The following GMDS variants were observed in gnomAD, a reference collection of about 807,000 sequenced individuals.
The protein encoded by GMDS is GDP-mannose 4,6 dehydratase.
A neutral mutation model predicts 49.9 loss-of-function variants in GMDS; 20 were observed. The ratio of observed to expected loss-of-function variants is 0.40; its 90% confidence interval spans 0.28 to 0.58. The LOEUF (loss-of-function observed/expected upper bound fraction) is 0.58. Ranked by LOEUF, GMDS falls within the 20% of genes least tolerant of loss-of-function variation. GMDS has a pLI of 0.42. For missense variants in GMDS, 362 were observed against 481.4 expected (o/e 0.75, Z 2.32); for synonymous variants, 177 against 178.6 (o/e 0.99, Z 0.07).
At chr6:1,908,685 A>ACGTT (rs1293932960) in intron 7 of GMDS, among the ~76,000 whole-genome samples, 2 of 152,222 alleles carry the variant, frequency 1.3e-5, no homozygotes, top group East Asian at 3.8e-4. Flanking sequence ...TAAGGCAGGA[A>ACGTT]CTGCTGCTCG....
chr6:1,839,836 C>T lies in GMDS; in HGVS notation c.771+90267G>A, dbSNP rs117138047. Among the ~76,000 whole-genome samples, 160 of 152,284 alleles carry T rather than the reference C, an allele frequency of 1.1e-3. 3 individuals carry two copies. In the East Asian group the frequency reaches 0.028, roughly 27 times the overall value. ...GAGGAGCAGGCTGCAGCCGAGGGGA[C>T]GTGGGTTGCTCTTTGGCTCTGGCCA... On this transcript the variant is annotated intron_variant, in intron 7 of 10. Coordinates refer to ENST00000380815, the MANE Select transcript of GMDS (RefSeq NM_001500.4).
At chr6:2,140,232 C>T (rs947545206) in intron 1 of GMDS, among the ~76,000 whole-genome samples, 1 of 152,044 alleles carries the variant, frequency 6.6e-6, no homozygotes, top group South Asian at 2.1e-4. Flanking sequence ...AAGAAACAGG[C>T]AGTGGGAGAT....
In GMDS at chr6:1,635,568, G is replaced by A. The variant is rs1763120257; in HGVS notation, c.988-11028C>T. ...TGATGGGAGCTTTGGTGGGGACTCC[G>A]AGGGCGACACTGTGCGGCGACCCTT... is the stretch of plus-strand genomic sequence containing the variant. On this transcript the variant is annotated intron_variant, in intron 9 of 10. Coordinates refer to ENST00000380815, the MANE Select transcript of GMDS (RefSeq NM_001500.4). This position sits in a 1 kb window ranked among gnomAD's most constrained non-coding sequence, Gnocchi z 4.7. Among the ~76,000 whole-genome samples, 1 of 152,164 alleles carries A rather than the reference G, an allele frequency of 6.6e-6. No individual in the cohort carries two copies. Among genetic ancestry groups the A allele is most frequent in the South Asian group, 2.1e-4 (1 of 4,836 alleles).
At chr6:2,027,367 A>C in intron 4 of GMDS, among the ~76,000 whole-genome samples, 1 of 152,222 alleles carries the variant, frequency 6.6e-6, no homozygotes, top group Non-Finnish European at 1.5e-5. Context: ...CCCAGGGCTT[A>C]ATTAATATTT....
chr6:1,941,258 C>G (rs909672008), intron 6 of GMDS, among the ~76,000 whole-genome samples: 1 of 151,888 alleles, frequency 6.6e-6, no homozygotes, highest in Non-Finnish European at 1.5e-5. Context: ...CATTTGGGAA[C>G]TATTTATGTA....
intron 1 of GMDS, among the ~76,000 whole-genome samples, chr6:2,154,012 T>C (rs1402217846): frequency 2.0e-5 from 3 of 152,154 alleles, no homozygotes; most frequent in Non-Finnish European, 4.4e-5. Context: ...AGTTTGATTT[T>C]TGCCTTGTCC....
chr6:1,900,558 A>G (rs1272250302), intron 7 of GMDS, among the ~76,000 whole-genome samples: 1 of 152,222 alleles, frequency 6.6e-6, no homozygotes, highest in Non-Finnish European at 1.5e-5. Context: ...ATAATATACA[A>G]ATTAAAAAGT....
intron 7 of GMDS, among the ~76,000 whole-genome samples, chr6:1,880,432 G>A (rs866239653): frequency 2.6e-5 from 4 of 152,066 alleles, no homozygotes; most frequent in African/African-American, 9.7e-5. Flanking sequence ...ACTCCAGCCT[G>A]GGTGACACAG....
chr6:1,790,695 T>G (rs1404233079), intron 7 of GMDS, among the ~76,000 whole-genome samples: 4 of 152,210 alleles, frequency 2.6e-5, no homozygotes, highest in Non-Finnish European at 5.9e-5. Context: ...TTGTATGATT[T>G]GAATTTTCAT....
At chr6:2,151,374 C>T (rs1048105238) in intron 1 of GMDS, among the ~76,000 whole-genome samples, 30 of 151,988 alleles carry the variant, frequency 2.0e-4, no homozygotes, top group African/African-American at 7.2e-4. Flanking sequence ...TCCCCAAAAG[C>T]AAATATAACT....
At chr6:1,956,362 G>A (rs1235228280) in intron 6 of GMDS, among the ~76,000 whole-genome samples, 2 of 152,146 alleles carry the variant, frequency 1.3e-5, no homozygotes, top group Non-Finnish European at 2.9e-5. Context: ...GCCAGATTTG[G>A]CCCATGAGTC....
At chr6:2,213,655 C>T (rs1336226849) in intron 1 of GMDS, among the ~76,000 whole-genome samples, 1 of 151,974 alleles carries the variant, frequency 6.6e-6, no homozygotes, top group African/African-American at 2.4e-5. Flanking sequence ...AGGAAGAGCA[C>T]CCTTTAAAAA....
chr6:1,713,605 G>GACAC (rs59883105), intron 9 of GMDS, among the ~76,000 whole-genome samples: 10 of 150,894 alleles, frequency 6.6e-5, no homozygotes, highest in Non-Finnish European at 1.2e-4. Context: ...GGATCAATGG[G>GACAC]ACACACACAC....
At chr6:1,792,596 G>A (rs958373402) in intron 7 of GMDS, among the ~76,000 whole-genome samples, 5 of 152,104 alleles carry the variant, frequency 3.3e-5, no homozygotes, top group African/African-American at 9.7e-5. Context: ...TTTTGGTAGA[G>A]TATATCTACC....
At chr6:1,661,899 G>A (rs1220016958) in intron 9 of GMDS, among the ~76,000 whole-genome samples, 1 of 152,190 alleles carries the variant, frequency 6.6e-6, no homozygotes, top group Non-Finnish European at 1.5e-5. Context: ...GAAAATGGAG[G>A]AAGCATGGAG....
intron 4 of GMDS, among the ~76,000 whole-genome samples, chr6:2,090,653 A>G (rs753664755): frequency 6.6e-6 from 1 of 152,094 alleles, no homozygotes; most frequent in Non-Finnish European, 1.5e-5. Context: ...TCTTAATTAC[A>G]GTGGAATAAA....
chr6:1,644,198 G>A lies in GMDS; in HGVS notation c.988-19658C>T, dbSNP rs1469443356. ...CCACTCTTCCTCCAGGGACCCACGC[G>A]GGGAGGGCCCTCCACCGCCAGGGGA... On this transcript the variant is annotated intron_variant, in intron 9 of 10. Transcript: ENST00000380815. Among the ~76,000 whole-genome samples the A allele has an allele frequency of 2.6e-5, 4 of 152,182 alleles. No individual in the cohort carries two copies. The South Asian group carries it at 6.2e-4, about 24-fold the overall frequency.
intron 4 of GMDS, among the ~76,000 whole-genome samples, chr6:2,001,910 T>C (rs1412743546): frequency 1.3e-5 from 2 of 152,160 alleles, no homozygotes; most frequent in African/African-American, 2.4e-5. Flanking sequence ...GACCTAAATG[T>C]AGCAGTCTCA....
intron 9 of GMDS, among the ~76,000 whole-genome samples, chr6:1,716,999 A>G (rs1229034345): frequency 1.3e-5 from 2 of 152,226 alleles, no homozygotes; most frequent in African/African-American, 4.8e-5. Flanking sequence ...TTTAGTCCGC[A>G]AAGTGATTAA....
Sources: gnomAD v4.1 joint callset for allele counts (sites outside exome capture counted in the v4.1 genomes callset) on GRCh38, gnomAD v4.1.1 for gene constraint, Gnocchi (gnomAD v3.1) non-coding constraint, MANE v1.5 for transcripts, NCBI Gene and HGNC (gene_info 2026-07-23, HGNC 2026-07-21) for gene names.